The following ELOVL5 variants were observed in gnomAD, a reference collection of about 807,000 sequenced individuals.
ELOVL5 encodes very long chain fatty acid elongase 5.
A neutral mutation model predicts 38.6 loss-of-function variants in ELOVL5; 8 were observed. The ratio of observed to expected loss-of-function variants is 0.21; its 90% confidence interval spans 0.12 to 0.37. ELOVL5 has a LOEUF of 0.37. ELOVL5 is among the 10% of genes least tolerant of loss of function. The pLI, the probability that ELOVL5 is intolerant of heterozygous loss-of-function variation, is 1.00. For synonymous variants in ELOVL5, 127 were observed against 133.7 expected, an observed-to-expected ratio of 0.95 and a Z score of 0.34; for missense variants, 280 against 367.8, an observed-to-expected ratio of 0.76 and a Z score of 1.95.
intron 1 of ELOVL5, among the ~76,000 whole-genome samples, chr6:53,333,350 A>G (rs1238271127): frequency 6.6e-6 from 1 of 152,236 alleles, no homozygotes; most frequent in Non-Finnish European, 1.5e-5. Flanking sequence ...CATTACAGAG[A>G]AATGCCTATA....
chr6:53,328,922 C>T (rs1466320604), intron 1 of ELOVL5, among the ~76,000 whole-genome samples: 2 of 152,164 alleles, frequency 1.3e-5, no homozygotes, highest in Admixed American at 1.3e-4. Context: ...GTTAAGTGGA[C>T]ATAAGCTTGC....
At chr6:53,342,818 T>G (rs1769384376) in intron 1 of ELOVL5, among the ~76,000 whole-genome samples, 1 of 152,194 alleles carries the variant, frequency 6.6e-6, no homozygotes, top group South Asian at 2.1e-4. Flanking sequence ...CATGCCTGAA[T>G]GCAATTACAA....
chr6:53,344,500 A>G (rs1769456091), intron 1 of ELOVL5, among the ~76,000 whole-genome samples: 1 of 152,180 alleles, frequency 6.6e-6, no homozygotes, highest in Admixed American at 6.5e-5. Context: ...TATTGGTGGT[A>G]TTCTACCAAA....
At chr6:53,295,818 A>C (rs1306419499) in intron 1 of ELOVL5, 111 bp from the exon 2 acceptor site, 18 of 652,814 alleles carry the variant, frequency 2.8e-5, no homozygotes, top group Non-Finnish European at 4.2e-5. Flanking sequence ...AGACAAGGTT[A>C]AGTTCAGTTC....
chr6:53,323,643 C>G (rs1487036881), intron 1 of ELOVL5, among the ~76,000 whole-genome samples: 1 of 119,068 alleles, frequency 8.4e-6, no homozygotes, highest in African/African-American at 3.3e-5. Flanking sequence ...AATGCAGTGG[C>G]GTGATCTCGG....
chr6:53,269,406 T>C (rs1040552494), intron 7 of ELOVL5, 136 bp from the exon 8 acceptor site: 1 of 570,100 alleles, frequency 1.8e-6, no homozygotes, highest in Non-Finnish European at 2.8e-6. Flanking sequence ...TGAGGTCAAG[T>C]CCTCATTGAC....
intron 1 of ELOVL5, among the ~76,000 whole-genome samples, chr6:53,299,855 A>G (rs928220837): frequency 1.3e-5 from 2 of 152,242 alleles, no homozygotes; most frequent in Non-Finnish European, 1.5e-5. Flanking sequence ...TCTCGGCTTG[A>G]GAATTTTTCT....
At chr6:53,319,931 G>GT (rs1768228525) in intron 1 of ELOVL5, among the ~76,000 whole-genome samples, 1 of 152,206 alleles carries the variant, frequency 6.6e-6, no homozygotes, top group African/African-American at 2.4e-5. Flanking sequence ...AAATGTGTAA[G>GT]TAAGACGAAG....
At chr6:53,335,383 C>G (rs1458298050) in intron 1 of ELOVL5, among the ~76,000 whole-genome samples, 4 of 152,198 alleles carry the variant, frequency 2.6e-5, no homozygotes, top group Non-Finnish European at 4.4e-5. Flanking sequence ...ATATGCTCCT[C>G]CATCACCCAA....
chr6:53,342,611 C>T (rs2065356130), intron 1 of ELOVL5, among the ~76,000 whole-genome samples: 1 of 152,100 alleles, frequency 6.6e-6, no homozygotes, highest in African/African-American at 2.4e-5. Context: ...CCTAATATAA[C>T]CATAAAGATT....
chr6:53,338,835 G>A (rs1769196226), intron 1 of ELOVL5, among the ~76,000 whole-genome samples: 1 of 152,170 alleles, frequency 6.6e-6, no homozygotes, highest in African/African-American at 2.4e-5. Flanking sequence ...ATCATTTGAG[G>A]AAATTATCAA....
chr6:53,309,297 G>GGCTGCTGCTGCTGCT (rs958137176), intron 1 of ELOVL5, among the ~76,000 whole-genome samples: 1 of 152,086 alleles, frequency 6.6e-6, no homozygotes, highest in Admixed American at 6.5e-5. Context: ...ACTGCTGACA[G>GGCTGCTGCTGCTGCT]GCTGCTGCTG....
At chr6:53,296,003 A>G (rs993845733) in intron 1 of ELOVL5, among the ~76,000 whole-genome samples, 2 of 152,128 alleles carry the variant, frequency 1.3e-5, no homozygotes. Flanking sequence ...CTCAGTGGGG[A>G]AAAAAGTGGA....
chr6:53,347,361 C>T (rs1769592751), intron 1 of ELOVL5, among the ~76,000 whole-genome samples: 1 of 152,168 alleles, frequency 6.6e-6, no homozygotes, highest in South Asian at 2.1e-4. Context: ...GTCTGAGCTA[C>T]CAGAAAAGTA....
chr6:53,295,765 AT>A, intron 1 of ELOVL5, 58 bp from the exon 2 acceptor site: 1 of 1,051,778 alleles, frequency 9.5e-7, no homozygotes, highest in Non-Finnish European at 1.4e-6. Flanking sequence ...TTTATACAGT[AT>A]TTTTTCATAA....
chr6:53,298,901 G>GGA (rs1554136850), intron 1 of ELOVL5, among the ~76,000 whole-genome samples: 2 of 50,080 alleles, frequency 4.0e-5, no homozygotes, highest in South Asian at 6.1e-4. Flanking sequence ...GGGGCAAGGC[G>GGA]GGGGGGGGGA....
At chr6:53,342,324 G>C in intron 1 of ELOVL5, among the ~76,000 whole-genome samples, 1 of 152,204 alleles carries the variant, frequency 6.6e-6, no homozygotes, top group East Asian at 1.9e-4. Context: ...GGTATCATGA[G>C]AACTATTCTT....
intron 1 of ELOVL5, among the ~76,000 whole-genome samples, chr6:53,299,820 A>G (rs1767173976): frequency 6.6e-6 from 1 of 152,240 alleles, no homozygotes; most frequent in Non-Finnish European, 1.5e-5. Flanking sequence ...CAGAAACGGT[A>G]CATCTGTTCT....
In ELOVL5 at chr6:53,268,419, G is replaced by GCCC. The variant is rs79049968; in HGVS notation, c.*705_*707dup. ...TAAGTTTCATCACGACTGCTGTAGA[G>GCCC]CCCCCCCCTTTTTACATTAATAGTG... is the stretch of plus-strand genomic sequence containing the variant. On this transcript the variant is annotated 3_prime_UTR_variant, in exon 8 of 8. Coordinates refer to ENST00000304434, the MANE Select transcript of ELOVL5 (RefSeq NM_021814.5). The GCCC allele has an allele frequency of 6.6e-6, 1 of 151,404 alleles. No homozygotes were observed. Among genetic ancestry groups the GCCC allele is most frequent in the Non-Finnish European group, 1.5e-5 (1 of 67,836 alleles). The allele number at this position is 151,404 out of a possible 1,614,324, so 9.4% of individuals were successfully genotyped here.
Sources: gnomAD v4.1 joint callset for allele counts (sites outside exome capture counted in the v4.1 genomes callset) on GRCh38, gnomAD v4.1.1 for gene constraint, MANE v1.5 for transcripts, NCBI Gene and HGNC (gene_info 2026-07-23, HGNC 2026-07-21) for gene names.